Variants in IL1RAPL1 observed in about 807,000 individuals in gnomAD.
The protein encoded by IL1RAPL1 is interleukin 1 receptor accessory protein like 1.
A neutral mutation model predicts 48.4 loss-of-function variants in IL1RAPL1; 3 were observed. The ratio of observed to expected loss-of-function variants is 0.06; its 90% CI spans 0.03 to 0.16. The LOEUF is 0.16. Among genes scored for constraint, IL1RAPL1 ranks in the 10% least tolerant of loss-of-function variants. IL1RAPL1 has a pLI of 1.00. For synonymous variants in IL1RAPL1, 185 were observed against 187.7 expected, an observed-to-expected ratio of 0.99 and a Z score of 0.12; for missense variants, 349 against 530.6, an observed-to-expected ratio of 0.66 and a Z score of 3.36.
At chrX:29,593,116 G>T (rs1923433148) in intron 5 of IL1RAPL1, among the ~76,000 whole-genome samples, 1 of 111,732 alleles carries the variant, frequency 8.9e-6, no homozygotes, top group South Asian at 3.7e-4. Context: ...CCCAGCCATG[G>T]TGTTTGCTAG....
At chrX:29,902,486 T>G (rs1308826087) in intron 6 of IL1RAPL1, among the ~76,000 whole-genome samples, 2 of 111,147 alleles carry the variant, frequency 1.8e-5, no homozygotes, top group Non-Finnish European at 3.8e-5. Context: ...AGAGGAGCCA[T>G]GCTACTGCCT....
chrX:29,581,509 A>G (rs1051405301), intron 5 of IL1RAPL1, among the ~76,000 whole-genome samples: 1 of 111,828 alleles, frequency 8.9e-6, no homozygotes, highest in Non-Finnish European at 1.9e-5. Flanking sequence ...CAGATGGGGA[A>G]ATGAGACACA....
chrX:28,920,602 C>A (rs1166456904), intron 2 of IL1RAPL1, among the ~76,000 whole-genome samples: 1 of 111,861 alleles, frequency 8.9e-6, no homozygotes. Context: ...TTCACTCACC[C>A]TTCTTCAAAA....
intron 1 of IL1RAPL1, among the ~76,000 whole-genome samples, chrX:28,748,948 C>G (rs1354469490): frequency 9.0e-6 from 1 of 111,497 alleles, no homozygotes; most frequent in Non-Finnish European, 1.9e-5. Flanking sequence ...CCTCCCTGCT[C>G]TCTGTTAATC....
chrX:29,122,396 T>TTC (rs1297656764), intron 2 of IL1RAPL1, among the ~76,000 whole-genome samples: 1,092 of 71,253 alleles, frequency 0.015, 24 homozygotes, highest in African/African-American at 0.039. Context: ...CTCTCTCTCT[T>TTC]TCTCTCTCTC....
chrX:29,707,934 T>C (rs1022817682), intron 6 of IL1RAPL1, among the ~76,000 whole-genome samples: 4 of 106,368 alleles, frequency 3.8e-5, no homozygotes, highest in Non-Finnish European at 5.7e-5. Flanking sequence ...CAGAAACCTA[T>C]TGAAATAATA....
intron 2 of IL1RAPL1, among the ~76,000 whole-genome samples, chrX:28,895,678 A>C (rs1475897505): frequency 1.8e-5 from 2 of 111,419 alleles, no homozygotes; most frequent in Non-Finnish European, 3.8e-5. Context: ...CTGGCTGTCA[A>C]TACCTACCAC....
At chrX:28,668,732 G>C (rs1175233824) in intron 1 of IL1RAPL1, among the ~76,000 whole-genome samples, 1 of 111,590 alleles carries the variant, frequency 9.0e-6, no homozygotes, top group Non-Finnish European at 1.9e-5. Flanking sequence ...TCTCCTCCTT[G>C]AAGTTTTCTG....
chrX:29,524,030 T>G lies in IL1RAPL1; in HGVS notation c.703+124722T>G, dbSNP rs1935528566. Among the ~76,000 whole-genome samples the G allele has an allele frequency of 2.7e-5, 3 of 111,024 alleles. No homozygotes were observed. In the South Asian group the frequency reaches 1.1e-3, roughly 41 times the overall value. On this transcript the variant is annotated intron_variant, in intron 5 of 10. Transcript: ENST00000378993. ...TATAAACTAAAAAAAAATCTTTTTC[T>G]TTGTAATATTAGATAGACATATTAT...
intron 2 of IL1RAPL1, among the ~76,000 whole-genome samples, chrX:29,128,250 G>T (rs1387958389): frequency 3.6e-5 from 4 of 110,904 alleles, no homozygotes; most frequent in African/African-American, 1.3e-4. Flanking sequence ...CTTAAAGCAT[G>T]ACCCAATACA....
intron 1 of IL1RAPL1, among the ~76,000 whole-genome samples, chrX:28,723,391 A>G (rs1388763080): frequency 9.0e-6 from 1 of 111,358 alleles, no homozygotes; most frequent in Non-Finnish European, 1.9e-5. Context: ...AGAGGTGTTT[A>G]TAGTATTCTC....
intron 5 of IL1RAPL1, among the ~76,000 whole-genome samples, chrX:29,629,799 C>T (rs1348841733): frequency 1.8e-5 from 2 of 111,814 alleles, no homozygotes; most frequent in Non-Finnish European, 3.8e-5. Context: ...AAGATCAAAT[C>T]TCTCTCTGTG....
intron 2 of IL1RAPL1, among the ~76,000 whole-genome samples, chrX:29,234,187 T>G (rs1438191839): frequency 8.9e-6 from 1 of 112,457 alleles, no homozygotes; most frequent in Non-Finnish European, 1.9e-5. Context: ...TAAATTCAGG[T>G]TGTTTTAAGC....
At chrX:29,873,799 A>G (rs1249573106) in intron 6 of IL1RAPL1, among the ~76,000 whole-genome samples, 1 of 111,567 alleles carries the variant, frequency 9.0e-6, no homozygotes, top group Admixed American at 9.5e-5. Flanking sequence ...CAATGCCAAC[A>G]ATGGATCCAT....
chrX:29,720,293 C>T (rs1486138709), intron 6 of IL1RAPL1, among the ~76,000 whole-genome samples: 2 of 111,857 alleles, frequency 1.8e-5, no homozygotes, highest in African/African-American at 6.5e-5. Context: ...ACTATAAAGA[C>T]ACATGCACAT....
intron 2 of IL1RAPL1, among the ~76,000 whole-genome samples, chrX:29,251,294 T>C (rs1348186822): frequency 1.8e-5 from 2 of 111,924 alleles, no homozygotes; most frequent in Non-Finnish European, 3.8e-5. Flanking sequence ...GTGTATTTCG[T>C]GTTTAAGGCA....
chrX:29,588,293 A>G (rs1226251751), intron 5 of IL1RAPL1, among the ~76,000 whole-genome samples: 1 of 112,305 alleles, frequency 8.9e-6, no homozygotes, highest in Admixed American at 9.4e-5. Context: ...TTGCCCTATG[A>G]ATTTATGGTG....
At chrX:29,271,023 C>A (rs1035480797) in intron 2 of IL1RAPL1, among the ~76,000 whole-genome samples, 2 of 111,543 alleles carry the variant, frequency 1.8e-5, no homozygotes, top group African/African-American at 6.5e-5. Flanking sequence ...CACCCTCCAC[C>A]CTCAAGTAGA....
intron 5 of IL1RAPL1, among the ~76,000 whole-genome samples, chrX:29,625,256 T>C (rs1248313849): frequency 8.9e-6 from 1 of 111,996 alleles, no homozygotes; most frequent in Non-Finnish European, 1.9e-5. Context: ...ACATCAGTAA[T>C]ATTTTTAAGA....
Sources: gnomAD v4.1 joint callset for allele counts (sites outside exome capture counted in the v4.1 genomes callset) on GRCh38, gnomAD v4.1.1 for gene constraint, MANE v1.5 for transcripts, NCBI Gene and HGNC (gene_info 2026-07-23, HGNC 2026-07-21) for gene names.